Variants in MAD1L1 observed in about 807,000 individuals in gnomAD.
MAD1L1 encodes the protein mitotic spindle assembly checkpoint protein MAD1.
A neutral mutation model predicts 96.9 loss-of-function variants in MAD1L1; 95 were observed. The ratio of observed to expected loss-of-function variants is 0.98; its 90% CI spans 0.83 to 1.16. MAD1L1 has a LOEUF of 1.16. Ranked by LOEUF, MAD1L1 falls within the 50% of genes most tolerant of loss-of-function variation. The probability of loss-of-function intolerance (pLI) is 0.00; values close to 1 mark genes in which losing one functional copy is unlikely to be tolerated. For synonymous variants in MAD1L1, 473 were observed against 396.6 expected, an observed-to-expected ratio of 1.19 and a Z score of -2.29; for missense variants, 1,007 against 954.4, an observed-to-expected ratio of 1.06 and a Z score of -0.73.
intron 11 of MAD1L1, among the ~76,000 whole-genome samples, chr7:2,106,644 C>T (rs535106312): frequency 2.6e-5 from 4 of 152,226 alleles, no homozygotes; most frequent in Non-Finnish European, 4.4e-5. Flanking sequence ...TAGCATAGCC[C>T]GTCACACTCT....
rs1000117316 is a variant in MAD1L1 at position 2,230,618 on chromosome 7, C to G, written c.-80G>C. 1 of 161,210 alleles carries G rather than the reference C, an allele frequency of 6.2e-6. No individual in the cohort carries two copies. Among genetic ancestry groups the G allele is most frequent in the Non-Finnish European group, 1.4e-5 (1 of 72,720 alleles). 10.0% of individuals were successfully genotyped at this position (161,210 alleles called of 1,614,324 possible). ...GCCCTGGAAGCCTGGCAGTGTGACA[C>G]AGTCCAAGTCTGAAGGCCTCAGAGC... On this transcript the variant is annotated 5_prime_UTR_variant, in exon 2 of 19. Coordinates refer to ENST00000265854, the MANE Select transcript of MAD1L1 (RefSeq NM_001013836.2).
At chr7:1,918,306 C>G (rs1788550216) in intron 17 of MAD1L1, among the ~76,000 whole-genome samples, 1 of 152,190 alleles carries the variant, frequency 6.6e-6, no homozygotes. Context: ...CCAGCGCAGT[C>G]CCCTCCCCAC....
At chr7:1,868,449 A>G (rs1784883567) in intron 18 of MAD1L1, among the ~76,000 whole-genome samples, 1 of 151,694 alleles carries the variant, frequency 6.6e-6, no homozygotes, top group South Asian at 2.1e-4. Context: ...GGGGCCCTCC[A>G]TGTCTGTCCT....
chr7:2,102,428 GTCACCCTCA>G, intron 11 of MAD1L1, among the ~76,000 whole-genome samples: 1 of 136,644 alleles, frequency 7.3e-6, no homozygotes, highest in Non-Finnish European at 1.6e-5. Context: ...CATCACCACT[GTCACCCTCA>G]CCACCACTGC....
chr7:1,827,604 T>G (rs1782481739), intron 18 of MAD1L1, among the ~76,000 whole-genome samples: 1 of 106,116 alleles, frequency 9.4e-6, no homozygotes, highest in Non-Finnish European at 2.0e-5. Context: ...CCGTCCCGGG[T>G]GTGGGGTCCT....
At chr7:2,087,540 G>A (rs897294785) in intron 11 of MAD1L1, among the ~76,000 whole-genome samples, 4 of 152,138 alleles carry the variant, frequency 2.6e-5, no homozygotes, top group Admixed American at 6.6e-5. Flanking sequence ...ACTCCGTCTT[G>A]AAAATAATAT....
At chr7:2,091,183 T>G (rs983834575) in intron 11 of MAD1L1, among the ~76,000 whole-genome samples, 1 of 152,154 alleles carries the variant, frequency 6.6e-6, no homozygotes. Flanking sequence ...TAGAAGACAC[T>G]CCAGGCTCCT....
At chr7:1,990,809 C>A (rs1781375056) in intron 14 of MAD1L1, among the ~76,000 whole-genome samples, 1 of 26,826 alleles carries the variant, frequency 3.7e-5, no homozygotes, top group Admixed American at 3.5e-4. Flanking sequence ...ACCTGCCCCA[C>A]CAGAGCGCCA....
At chr7:1,871,134 T>A (rs1401452666) in intron 18 of MAD1L1, among the ~76,000 whole-genome samples, 1 of 139,394 alleles carries the variant, frequency 7.2e-6, no homozygotes, top group Non-Finnish European at 1.5e-5. Flanking sequence ...GAACCCAACA[T>A]ACGCCTGCCA....
At chr7:2,165,968 C>T (rs959206478) in intron 10 of MAD1L1, among the ~76,000 whole-genome samples, 14 of 152,134 alleles carry the variant, frequency 9.2e-5, no homozygotes, top group Non-Finnish European at 5.9e-5. Flanking sequence ...ACATGCTCTG[C>T]GAAAGAGGAA....
chr7:2,142,906 A>C lies in MAD1L1; in HGVS notation c.1073+6246T>G, dbSNP rs1584418065. 6.6e-6 allele frequency among the ~76,000 whole-genome samples: 1 copy of C among 152,054 alleles called. No homozygotes were observed. Among genetic ancestry groups the C allele is most frequent in the South Asian group, 2.1e-4 (1 of 4,812 alleles). ...ACACTGATCCACGGCAAATTCCGTCACCTTGACCTCCCAGATGCCCCCACC... is the reference window on the plus strand; with the variant it reads ...ACACTGATCCACGGCAAATTCCGTCCCCTTGACCTCCCAGATGCCCCCACC... On this transcript the variant is annotated intron_variant, in intron 11 of 18. Transcript: ENST00000265854. This position sits in a 1 kb window ranked among gnomAD's most constrained non-coding sequence, Gnocchi z 4.7.
At chr7:2,039,669 C>CTA (rs1783592237) in intron 12 of MAD1L1, among the ~76,000 whole-genome samples, 1 of 152,138 alleles carries the variant, frequency 6.6e-6, no homozygotes, top group African/African-American at 2.4e-5. Flanking sequence ...AAAGGTCTGT[C>CTA]TATATCTTTT....
chr7:1,855,949 A>G (rs1784227318), intron 18 of MAD1L1, among the ~76,000 whole-genome samples: 1 of 152,050 alleles, frequency 6.6e-6, no homozygotes. Flanking sequence ...TCTGGAGTGG[A>G]AGTGGGAACT....
At chr7:1,858,887 T>C (rs1377554724) in intron 18 of MAD1L1, among the ~76,000 whole-genome samples, 2 of 152,136 alleles carry the variant, frequency 1.3e-5, no homozygotes, top group Admixed American at 6.5e-5. Context: ...CTCTGGGAGA[T>C]CCCAGGTCAG....
chr7:2,145,396 A>G (rs1477068854), intron 11 of MAD1L1, among the ~76,000 whole-genome samples: 2 of 152,220 alleles, frequency 1.3e-5, no homozygotes, highest in Non-Finnish European at 2.9e-5. Flanking sequence ...CAAGACCAGA[A>G]TGCAGCACAG....
intron 18 of MAD1L1, among the ~76,000 whole-genome samples, chr7:1,886,947 C>A (rs371949781): frequency 6.6e-6 from 1 of 152,274 alleles, no homozygotes; most frequent in South Asian, 2.1e-4. Context: ...ACAGTCCTGC[C>A]CCGCAGGTTC....
At position 2,114,957 on chromosome 7, in the gene MAD1L1, C is replaced by T. The variant is rs542949867; in HGVS notation, c.1073+34195G>A. ...ACCGCTGCAGCAGCAGGGAACCTTC[C>T]GGAAGAATCTGTTCCCAGGGTAGAA... On this transcript the variant is annotated intron_variant, in intron 11 of 18. Transcript: ENST00000265854. This position sits in a 1 kb window ranked among gnomAD's most constrained non-coding sequence, Gnocchi z 4.2. Among the ~76,000 whole-genome samples the T allele has an allele frequency of 8.5e-4, 130 of 152,366 alleles. 1 individual carries two copies. Among genetic ancestry groups the T allele is most frequent in the African/African-American group, 2.9e-3 (120 of 41,590 alleles).
intron 12 of MAD1L1, among the ~76,000 whole-genome samples, chr7:2,026,278 T>C (rs1160630732): frequency 6.6e-6 from 1 of 152,164 alleles, no homozygotes; most frequent in African/African-American, 2.4e-5. Flanking sequence ...TAATTCACAA[T>C]TTATATGTGC....
chr7:1,858,828 G>T (rs1223734312), intron 18 of MAD1L1, among the ~76,000 whole-genome samples: 1 of 152,240 alleles, frequency 6.6e-6, no homozygotes, highest in Non-Finnish European at 1.5e-5. Flanking sequence ...ACGAGCACGG[G>T]CAGTCAGAGC....
Sources: allele counts gnomAD v4.1 joint callset (sites outside exome capture counted in the v4.1 genomes callset), GRCh38; gene constraint gnomAD v4.1.1; non-coding constraint Gnocchi (gnomAD v3.1); transcripts MANE v1.5; gene names NCBI Gene and HGNC (gene_info 2026-07-23, HGNC 2026-07-21).